Variants in ABL1 observed in about 807,000 individuals in gnomAD.
ABL1 encodes the protein ABL proto-oncogene 1, non-receptor tyrosine kinase.
Under a neutral mutation model 94.7 loss-of-function variants are expected in ABL1, and 11 were observed. That is an observed-to-expected ratio of 0.12 (90% CI 0.07 to 0.19). ABL1 has a LOEUF of 0.19. Among genes scored for constraint, ABL1 ranks in the 10% least tolerant of loss-of-function variants. The pLI is 1.00. For missense variants in ABL1, 1,082 were observed against 1,489.4 expected, an observed-to-expected ratio of 0.73 and a Z score of 4.50; for synonymous variants, 656 against 622.4, an observed-to-expected ratio of 1.05 and a Z score of -0.80.
intron 1 of ABL1, among the ~76,000 whole-genome samples, chr9:130,717,964 A>G (rs1831465188): frequency 6.7e-6 from 1 of 148,918 alleles, no homozygotes; most frequent in African/African-American, 2.5e-5. Context: ...TTGAGACGAG[A>G]TCACGCCATT....
chr9:130,747,207 T>C (rs1203968316), intron 1 of ABL1, among the ~76,000 whole-genome samples: 1 of 152,212 alleles, frequency 6.6e-6, no homozygotes, highest in East Asian at 1.9e-4. Context: ...AAACCTTGTC[T>C]CTACAAAAAA....
chr9:130,848,249 C>G (rs1830803560), intron 1 of ABL1, among the ~76,000 whole-genome samples: 2 of 151,460 alleles, frequency 1.3e-5, no homozygotes, highest in Non-Finnish European at 2.9e-5. Flanking sequence ...GCCTGTAATC[C>G]CAGCACTTTG....
chr9:130,757,284 G>C (rs1008281027), intron 1 of ABL1, among the ~76,000 whole-genome samples: 1 of 152,166 alleles, frequency 6.6e-6, no homozygotes, highest in Non-Finnish European at 1.5e-5. Flanking sequence ...AAATTGGCCA[G>C]CCACAGTGGC....
intron 1 of ABL1, among the ~76,000 whole-genome samples, chr9:130,752,719 G>A (rs1831981431): frequency 6.6e-6 from 1 of 152,188 alleles, no homozygotes; most frequent in African/African-American, 2.4e-5. Context: ...AGCACTTTGG[G>A]AGGCTGAGGC....
At chr9:130,756,347 A>G (rs534915156) in intron 1 of ABL1, among the ~76,000 whole-genome samples, 84 of 151,696 alleles carry the variant, frequency 5.5e-4, no homozygotes, top group African/African-American at 1.7e-3. Flanking sequence ...TTTTTTGTCA[A>G]ATGAAAGGTT....
At chr9:130,841,480 C>T (rs539342530) in intron 1 of ABL1, among the ~76,000 whole-genome samples, 3 of 152,090 alleles carry the variant, frequency 2.0e-5, no homozygotes, top group Non-Finnish European at 4.4e-5. Flanking sequence ...GGGCCATATG[C>T]AGCCCGTGGG....
intron 1 of ABL1, among the ~76,000 whole-genome samples, chr9:130,750,298 G>T (rs1439546558): frequency 6.9e-6 from 1 of 145,880 alleles, no homozygotes; most frequent in Non-Finnish European, 1.5e-5. Flanking sequence ...GGATTTTTCA[G>T]TTTATTTCTT....
rs373583618 is a variant in ABL1 at position 130,717,380 on chromosome 9, AATC to A, written c.136+2928_136+2930del. Among the ~76,000 whole-genome samples, 1,276 of 152,220 alleles carry A rather than the reference AATC, an allele frequency of 8.4e-3. 27 individuals carry two copies. Among genetic ancestry groups the A allele is most frequent in the African/African-American group, 0.03 (1,240 of 41,518 alleles). On this transcript the variant is annotated intron_variant, in intron 1 of 10. Coordinates refer to the ABL1 transcript ENST00000372348. ...TCTAAATGATCAATGCATGATATAA[AATC>A]ATGCACAGGTTAAAGATCCATTCAA... is the stretch of plus-strand genomic sequence containing the variant.
chr9:130,753,071 A>C (rs1831987688), intron 1 of ABL1, among the ~76,000 whole-genome samples: 1 of 151,876 alleles, frequency 6.6e-6, no homozygotes, highest in Non-Finnish European at 1.5e-5. Context: ...CCTGGCTAAC[A>C]CGGTGAAACC....
intron 1 of ABL1, among the ~76,000 whole-genome samples, chr9:130,733,731 A>G (rs1831697062): frequency 1.3e-5 from 2 of 151,472 alleles, no homozygotes; most frequent in Non-Finnish European, 1.5e-5. Context: ...GGCGCCCGCC[A>G]CCGCGCCTGC....
chr9:130,719,603 T>A (rs1831490445), intron 1 of ABL1, among the ~76,000 whole-genome samples: 2 of 152,176 alleles, frequency 1.3e-5, no homozygotes, highest in African/African-American at 4.8e-5. Flanking sequence ...TCAGATCCCT[T>A]TTTATGAAAG....
Position 130,863,081 on chromosome 9 carries a change from G to A in ABL1, c.822+46G>A, listed in dbSNP as rs552442817. 16 of 1,535,676 alleles carry A rather than the reference G, an allele frequency of 1.0e-5. No individual in the cohort carries two copies. In the East Asian group the frequency reaches 1.6e-4, roughly 16 times the overall value. On this transcript the variant is annotated intron_variant, in intron 4 of 10. Transcript: ENST00000318560. The surrounding 1 kb of genome is among the most constrained non-coding windows in gnomAD (Gnocchi z 4.3). ...GTGCCCAGGGTACGTGGGGCAAGGC[G>A]TCTGCTGGCATTAGGCGATGCATCT...
intron 1 of ABL1, among the ~76,000 whole-genome samples, chr9:130,841,107 G>A (rs1460181760): frequency 6.6e-6 from 1 of 151,932 alleles, no homozygotes; most frequent in Non-Finnish European, 1.5e-5. Context: ...ACTAACGATA[G>A]CTGATGAGCT....
At chr9:130,876,832 G>A (rs1324850653) in intron 7 of ABL1, among the ~76,000 whole-genome samples, 3 of 140,062 alleles carry the variant, frequency 2.1e-5, no homozygotes, top group Non-Finnish European at 4.6e-5. Context: ...CGCCTTCCGG[G>A]TTCACGTCAT....
intron 1 of ABL1, among the ~76,000 whole-genome samples, chr9:130,803,205 A>C (rs1046143468): frequency 1.3e-5 from 2 of 151,998 alleles, no homozygotes; most frequent in East Asian, 1.9e-4. Context: ...ACGCCCGGCT[A>C]ATTTTTGTAT....
intron 1 of ABL1, among the ~76,000 whole-genome samples, chr9:130,729,265 C>T (rs927300634): frequency 6.6e-6 from 1 of 152,190 alleles, no homozygotes; most frequent in East Asian, 1.9e-4. Flanking sequence ...TGTGTCTGTG[C>T]AGTTCTCAGC....
Position 130,880,176 on chromosome 9 carries a change from G to A in ABL1, c.1513+19G>A. 1 of 1,611,648 alleles carries A rather than the reference G, an allele frequency of 6.2e-7. No homozygotes were observed. On this transcript the variant is annotated intron_variant, in intron 9 of 10. Transcript: ENST00000318560. This position sits in a 1 kb window ranked among gnomAD's most constrained non-coding sequence, Gnocchi z 4.4. ...TCAGACGGTAAAGTACCCATCCCGG[G>A]GTACCTGCAGTGGGGTGAAAGGGCA...
At chr9:130,808,251 T>TCTTC (rs1380738432) in intron 1 of ABL1, among the ~76,000 whole-genome samples, 2 of 149,956 alleles carry the variant, frequency 1.3e-5, no homozygotes, top group South Asian at 2.1e-4. Context: ...CTTCTTCTTT[T>TCTTC]TTTTTTTTTT....
At chr9:130,858,407 T>C (rs775816646) in intron 3 of ABL1, among the ~76,000 whole-genome samples, 9 of 152,084 alleles carry the variant, frequency 5.9e-5, no homozygotes, top group African/African-American at 9.7e-5. Context: ...GTGTCCACCA[T>C]TGGGCAACAC....
Sources: allele counts gnomAD v4.1 joint callset (sites outside exome capture counted in the v4.1 genomes callset), GRCh38; gene constraint gnomAD v4.1.1; non-coding constraint Gnocchi (gnomAD v3.1); transcripts MANE v1.5; gene names NCBI Gene and HGNC (gene_info 2026-07-23, HGNC 2026-07-21).